JMJD1C: variants seen among roughly 807,000 people sequenced by gnomAD.
The protein encoded by JMJD1C is jumonji domain containing 1C.
In JMJD1C, 31 loss-of-function variants were observed where a neutral mutation model predicts 245.3. That is an observed-to-expected ratio of 0.13 (90% CI 0.09 to 0.17). JMJD1C has a LOEUF of 0.17. Among genes scored for constraint, JMJD1C ranks in the 10% least tolerant of loss-of-function variants. The probability of loss-of-function intolerance (pLI) is 1.00; values close to 1 mark genes in which losing one functional copy is unlikely to be tolerated. For missense variants in JMJD1C, 2,691 were observed against 3,000.2 expected, an observed-to-expected ratio of 0.90 and a Z score of 2.41; for synonymous variants, 1,057 against 1,017.4, an observed-to-expected ratio of 1.04 and a Z score of -0.74.
intron 1 of JMJD1C, among the ~76,000 whole-genome samples, chr10:63,407,968 G>C (rs932909721): frequency 3.9e-5 from 6 of 152,132 alleles, no homozygotes; most frequent in Middle Eastern, 3.4e-3. Flanking sequence ...AATCAGTGTG[G>C]TTCAATATCC....
At chr10:63,349,409 C>CTG (rs1275491097) in intron 2 of JMJD1C, among the ~76,000 whole-genome samples, 1 of 152,188 alleles carries the variant, frequency 6.6e-6, no homozygotes, top group Non-Finnish European at 1.5e-5. Context: ...CTCATACACT[C>CTG]TGTGTCAATG....
At chr10:63,285,586 T>A (rs1392601806) in intron 2 of JMJD1C, among the ~76,000 whole-genome samples, 3 of 152,028 alleles carry the variant, frequency 2.0e-5, no homozygotes, top group Admixed American at 6.6e-5. Context: ...TGGGAAGCAA[T>A]CACTTGAGCC....
In JMJD1C at chr10:63,363,853, A is replaced by ATTT. The variant is rs759663605; in HGVS notation, c.333+16462_333+16464dup. On this transcript the variant is annotated intron_variant, in intron 2 of 25. Transcript: ENST00000399262. ...AGGTACACGCCACCATGCCTGGCTA[A>ATTT]TTTTTTTTTTTTTTTTTTTTGAGAC... is the stretch of plus-strand genomic sequence containing the variant. Among the ~76,000 whole-genome samples, 128 of 126,436 alleles carry ATTT rather than the reference A, an allele frequency of 1.0e-3. 2 individuals carry two copies. The highest frequency in any genetic ancestry group is 5.0e-3 in the East Asian group (21 of 4,202). 82.9% of individuals were successfully genotyped at this position (126,436 alleles called of 152,430 possible).
intron 1 of JMJD1C, among the ~76,000 whole-genome samples, chr10:63,474,432 A>AT: frequency 6.6e-6 from 1 of 152,094 alleles, no homozygotes; most frequent in East Asian, 1.9e-4. Context: ...ATGAAATAGA[A>AT]ATAAAAACAC....
intron 3 of JMJD1C, among the ~76,000 whole-genome samples, chr10:63,233,338 G>A (rs1187767648): frequency 6.6e-6 from 1 of 151,978 alleles, no homozygotes; most frequent in African/African-American, 2.4e-5. Flanking sequence ...GGATAAAAGA[G>A]TATAGTCATT....
At chr10:63,188,885 A>G (rs79484409) in intron 18 of JMJD1C, among the ~76,000 whole-genome samples, 5,341 of 152,312 alleles carry the variant, frequency 0.035, 291 homozygotes, top group East Asian at 0.26. Flanking sequence ...AAGGAACTGC[A>G]TTTTGTAAAT....
At chr10:63,327,906 G>C (rs1941709629) in intron 2 of JMJD1C, among the ~76,000 whole-genome samples, 1 of 151,982 alleles carries the variant, frequency 6.6e-6, no homozygotes, top group Non-Finnish European at 1.5e-5. Context: ...CTGACCTCAG[G>C]TGATCCACTT....
chr10:63,279,127 G>T (rs1052832496), intron 2 of JMJD1C, among the ~76,000 whole-genome samples: 12 of 151,692 alleles, frequency 7.9e-5, no homozygotes, highest in African/African-American at 2.7e-4. Flanking sequence ...GCGGGCGCCT[G>T]TAATCCCAGC....
intron 3 of JMJD1C, among the ~76,000 whole-genome samples, chr10:63,227,443 A>G (rs1190547980): frequency 6.6e-6 from 1 of 152,214 alleles, no homozygotes; most frequent in Non-Finnish European, 1.5e-5. Flanking sequence ...GATTTGCTCA[A>G]AAGTCTCAAC....
chr10:63,249,860 AAAAAAAAAAAAAG>A (rs2133611616), intron 3 of JMJD1C, among the ~76,000 whole-genome samples: 1 of 131,666 alleles, frequency 7.6e-6, no homozygotes, highest in East Asian at 2.0e-4. Flanking sequence ...ACTCCATCTT[AAAAAAAAAAAAAG>A]AAAAAAGAAA....
chr10:63,472,201 A>G (rs963471421), intron 1 of JMJD1C, among the ~76,000 whole-genome samples: 1 of 151,690 alleles, frequency 6.6e-6, no homozygotes, highest in African/African-American at 2.4e-5. Context: ...ACTATTATAT[A>G]TTATATATAA....
intron 2 of JMJD1C, among the ~76,000 whole-genome samples, chr10:63,350,453 T>C (rs1359652606): frequency 2.0e-5 from 3 of 152,204 alleles, no homozygotes; most frequent in Non-Finnish European, 4.4e-5. Flanking sequence ...AGAAATACTA[T>C]GAATTCGTTG....
intron 1 of JMJD1C, among the ~76,000 whole-genome samples, chr10:63,482,083 C>T (rs1265699274): frequency 6.6e-6 from 1 of 152,060 alleles, no homozygotes; most frequent in African/African-American, 2.4e-5. Context: ...TTCTTGGAAA[C>T]CGCAACTAAA....
rs372860458 is a variant in JMJD1C at position 63,198,670 on chromosome 10, T to C, written c.5334A>G (p.Gln1778=). 8 of 1,612,732 alleles carry C rather than the reference T, an allele frequency of 5.0e-6. No individual in the cohort carries two copies. The African/African-American group carries it at 8.0e-5, about 16-fold the overall frequency. ...ACAAACTCATAGCTTCATCATCATATTGGTCAGGAGAAGAGAAACCATCTA... is the reference window on the plus strand; with the variant it reads ...ACAAACTCATAGCTTCATCATCATACTGGTCAGGAGAAGAGAAACCATCTA... ...VRIDGFSSPD[Q]YDDEAMSLWT... The change falls in exon 12 of 26, where the codon CAA becomes CAG. Residue 1778 remains glutamine, a synonymous_variant. Coordinates refer to ENST00000399262, the MANE Select transcript of JMJD1C (RefSeq NM_032776.3).
intron 3 of JMJD1C, among the ~76,000 whole-genome samples, chr10:63,263,982 A>ACACTCACT (rs1554861362): frequency 9.1e-6 from 1 of 109,946 alleles, no homozygotes; most frequent in Non-Finnish European, 2.0e-5. Context: ...ACACACACAC[A>ACACTCACT]CACACACACA....
intron 15 of JMJD1C, 58 bp from the exon 16 acceptor site, chr10:63,193,209 T>C (rs1845054327): frequency 1.3e-6 from 2 of 1,503,118 alleles, no homozygotes; most frequent in South Asian, 2.3e-5. Flanking sequence ...CAATTAGTAG[T>C]ATAGATACAA....
chr10:63,516,078 C>T (rs930597429), intron 1 of JMJD1C, among the ~76,000 whole-genome samples: 1 of 151,736 alleles, frequency 6.6e-6, no homozygotes, highest in African/African-American at 2.4e-5. Flanking sequence ...CATTTCCTAC[C>T]TATCAGAATT....
intron 22 of JMJD1C, among the ~76,000 whole-genome samples, chr10:63,180,768 A>G (rs1206346783): frequency 1.6e-4 from 15 of 91,234 alleles, no homozygotes; most frequent in Non-Finnish European, 2.2e-4. Context: ...ATGCACAGCT[A>G]ATTTTTTTTT....
Position 63,206,709 on chromosome 10 carries a change from G to C in JMJD1C, c.4960C>G (p.Gln1654Glu). ...RQPKPTYKKK[Q>E]NDLQKRKGEI... The stretch of plus-strand genomic sequence containing the variant: ...CCTTTTCTCTTTTGCAAATCATTTT[G>C]CTTCTTTTTGTAAGTTGGCTTAGGT... The change falls in exon 10 of 26, where the codon CAA (glutamine) becomes GAA (glutamate). Residue 1654 changes from glutamine (Q) to glutamate (E), a missense_variant. Around this residue, in one of 9 missense-constraint regions of JMJD1C, gnomAD observed 144 missense variants for 143.3 expected, o/e 1.00. Transcript: ENST00000399262. 6.2e-7 allele frequency: 1 copy of C among 1,613,454 alleles called. No homozygotes were observed. Among genetic ancestry groups the C allele is most frequent in the Non-Finnish European group, 8.5e-7 (1 of 1,179,776 alleles).
Sources: allele counts gnomAD v4.1 joint callset (sites outside exome capture counted in the v4.1 genomes callset), GRCh38; gene constraint gnomAD v4.1.1; regional missense constraint gnomAD v4.1.1; transcripts MANE v1.5; gene names NCBI Gene and HGNC (gene_info 2026-07-23, HGNC 2026-07-21).